Variants in CNTNAP2 observed in about 807,000 individuals in gnomAD.
CNTNAP2 encodes contactin-associated protein-like 2.
Under a neutral mutation model 155.2 loss-of-function variants are expected in CNTNAP2, and 98 were observed. That is an observed-to-expected ratio of 0.63 (90% CI 0.54 to 0.75). The LOEUF is 0.75. Ranked by LOEUF, CNTNAP2 falls within the 30% of genes least tolerant of loss-of-function variation. The pLI is 0.00. For missense variants in CNTNAP2, 1,727 were observed against 1,688.1 expected (o/e 1.02, Z -0.40); for synonymous variants, 651 against 631.2 (o/e 1.03, Z -0.47).
intron 1 of CNTNAP2, among the ~76,000 whole-genome samples, chr7:146,602,430 G>A (rs1029793425): frequency 6.6e-6 from 1 of 152,146 alleles, no homozygotes; most frequent in African/African-American, 2.4e-5. Flanking sequence ...GACAGCAAAG[G>A]AAAGAACATG....
chr7:147,632,269 C>T (rs1415909770), intron 12 of CNTNAP2, among the ~76,000 whole-genome samples: 3 of 152,116 alleles, frequency 2.0e-5, no homozygotes, highest in African/African-American at 7.2e-5. Context: ...ATCAAAACCA[C>T]AATGAGATAC....
intron 3 of CNTNAP2, among the ~76,000 whole-genome samples, chr7:147,042,615 A>G (rs1799281278): frequency 6.6e-6 from 1 of 152,142 alleles, no homozygotes; most frequent in East Asian, 1.9e-4. Flanking sequence ...CATCATTATT[A>G]AAGATAATTT....
At chr7:148,205,794 T>C (rs6944384) in intron 18 of CNTNAP2, among the ~76,000 whole-genome samples, 49,101 of 151,934 alleles carry the variant, frequency 0.32, 8,123 homozygotes, top group South Asian at 0.43. Context: ...TCGGCTCAAC[T>C]CAATGAACAT....
At chr7:146,681,151 C>A (rs973378740) in intron 1 of CNTNAP2, among the ~76,000 whole-genome samples, 2 of 151,264 alleles carry the variant, frequency 1.3e-5, no homozygotes, top group African/African-American at 4.9e-5. Flanking sequence ...GAAAGCGTCA[C>A]AGAAAAAATG....
chr7:147,762,194 G>T (rs1101041), intron 13 of CNTNAP2, among the ~76,000 whole-genome samples: 55,143 of 147,174 alleles, frequency 0.37, 13,035 homozygotes, highest in African/African-American at 0.68. Flanking sequence ...CACACCATTC[G>T]GGTCAACAGA....
chr7:146,901,746 T>C (rs1245824321), intron 3 of CNTNAP2, among the ~76,000 whole-genome samples: 3 of 152,136 alleles, frequency 2.0e-5, no homozygotes, highest in African/African-American at 4.8e-5. Context: ...ATATCAGGAC[T>C]CTGAAAAAAA....
intron 15 of CNTNAP2, among the ~76,000 whole-genome samples, chr7:148,015,748 G>A (rs942642774): frequency 2.0e-5 from 3 of 152,150 alleles, no homozygotes; most frequent in Admixed American, 2.0e-4. Context: ...TTGCCTTAAT[G>A]CCAGTAAGAA....
At chr7:147,687,219 T>C (rs1374826251) in intron 13 of CNTNAP2, among the ~76,000 whole-genome samples, 1 of 152,054 alleles carries the variant, frequency 6.6e-6, no homozygotes, top group East Asian at 1.9e-4. Flanking sequence ...AAATAAATGA[T>C]AATGTATGTG....
intron 3 of CNTNAP2, among the ~76,000 whole-genome samples, chr7:146,971,618 G>T (rs1664061217): frequency 6.6e-6 from 1 of 152,102 alleles, no homozygotes; most frequent in Admixed American, 6.6e-5. Flanking sequence ...GGCTTTTCTA[G>T]GGAGGGTCCT....
chr7:148,147,589 G>C lies in CNTNAP2; in HGVS notation c.2653G>C (p.Val885Leu), dbSNP rs796052379. 1 of 1,614,002 alleles carries C rather than the reference G, an allele frequency of 6.2e-7. No homozygotes were observed. Among genetic ancestry groups the C allele is most frequent in the South Asian group, 1.1e-5 (1 of 91,090 alleles). ...TCTCAACGATGACCAGTGGCACCGG[G>C]TCACTGCAGAGAGGAATGTCAAGCA... The part of the protein sequence containing the change: ...TPLNDDQWHR[V>L]TAERNVKQAS... The change falls in exon 17 of 24, where the codon GTC becomes CTC. Residue 885 changes from valine (V) to leucine (L), a missense_variant. Transcript: ENST00000361727.
chr7:146,537,522 A>G (rs535742154), intron 1 of CNTNAP2, among the ~76,000 whole-genome samples: 1 of 152,258 alleles, frequency 6.6e-6, no homozygotes, highest in South Asian at 2.1e-4. Flanking sequence ...AAAGTAAATT[A>G]GTAAAATATG....
intron 1 of CNTNAP2, among the ~76,000 whole-genome samples, chr7:146,217,054 A>C (rs802539): frequency 1.3e-5 from 2 of 152,042 alleles, no homozygotes; most frequent in Non-Finnish European, 2.9e-5. Flanking sequence ...ATTTTTAGGA[A>C]CTTTCATTTT....
At chr7:146,475,696 A>G (rs1796867376) in intron 1 of CNTNAP2, among the ~76,000 whole-genome samples, 1 of 152,192 alleles carries the variant, frequency 6.6e-6, no homozygotes, top group South Asian at 2.1e-4. Flanking sequence ...ACAAGAGCCT[A>G]TATCACAATA....
chr7:146,926,414 G>GT (rs1209949078), intron 3 of CNTNAP2, among the ~76,000 whole-genome samples: 1 of 152,092 alleles, frequency 6.6e-6, no homozygotes, highest in East Asian at 1.9e-4. Flanking sequence ...TTCCAACTGA[G>GT]TTTATGTCTG....
chr7:147,136,131 C>T (rs1385460928), intron 8 of CNTNAP2, among the ~76,000 whole-genome samples: 4 of 151,630 alleles, frequency 2.6e-5, no homozygotes, highest in African/African-American at 4.8e-5. Context: ...TTGTCGTCTG[C>T]CAATATTAAC....
intron 1 of CNTNAP2, among the ~76,000 whole-genome samples, chr7:146,413,230 A>T (rs533159026): frequency 3.3e-5 from 5 of 152,278 alleles, no homozygotes; most frequent in African/African-American, 1.2e-4. Flanking sequence ...ATCAAAAGGC[A>T]TGGTCCAGCC....
chr7:146,252,619 G>A (rs138984818), intron 1 of CNTNAP2, among the ~76,000 whole-genome samples: 1 of 152,168 alleles, frequency 6.6e-6, no homozygotes, highest in Non-Finnish European at 1.5e-5. Flanking sequence ...AAGCAAGCTT[G>A]GAGAGCTGAC....
intron 18 of CNTNAP2, among the ~76,000 whole-genome samples, chr7:148,184,085 GT>G (rs1263004450): frequency 5.3e-5 from 8 of 152,020 alleles, no homozygotes; most frequent in Non-Finnish European, 1.2e-4. Flanking sequence ...TTCCCCTTGA[GT>G]ATTTCTGCCT....
intron 1 of CNTNAP2, among the ~76,000 whole-genome samples, chr7:146,484,797 GC>G (rs1797029535): frequency 6.6e-6 from 1 of 152,096 alleles, no homozygotes; most frequent in South Asian, 2.1e-4. Flanking sequence ...TTGACCCCTT[GC>G]TAAAGATTCT....
Sources: allele counts gnomAD v4.1 joint callset (sites outside exome capture counted in the v4.1 genomes callset), GRCh38; gene constraint gnomAD v4.1.1; transcripts MANE v1.5; gene names NCBI Gene and HGNC (gene_info 2026-07-23, HGNC 2026-07-21).